SRBD1: variants seen among roughly 807,000 people sequenced by gnomAD.
The protein encoded by SRBD1 is S1 RNA-binding domain-containing protein 1.
A neutral mutation model predicts 115.3 loss-of-function variants in SRBD1; 88 were observed. That is an observed-to-expected ratio of 0.76 (90% CI 0.64 to 0.91). The LOEUF is 0.91. Ranked by LOEUF, SRBD1 falls within the 40% of genes least tolerant of loss-of-function variation. SRBD1 has a pLI of 0.00. For missense variants in SRBD1, 1,385 were observed against 1,177.4 expected, an observed-to-expected ratio of 1.18 and a Z score of -2.58; for synonymous variants, 509 against 407.7, an observed-to-expected ratio of 1.25 and a Z score of -2.99.
At chr2:45,496,172 GT>G (rs1246568867) in intron 14 of SRBD1, among the ~76,000 whole-genome samples, 1 of 152,082 alleles carries the variant, frequency 6.6e-6, no homozygotes, top group African/African-American at 2.4e-5. Flanking sequence ...CTGCTCCTAT[GT>G]TTTGTTTTGT....
chr2:45,592,609 G>A (rs776690607), intron 4 of SRBD1, among the ~76,000 whole-genome samples: 1 of 152,124 alleles, frequency 6.6e-6, no homozygotes, highest in Non-Finnish European at 1.5e-5. Flanking sequence ...TTTGGAGGAG[G>A]AGGCAAAAAC....
At chr2:45,576,806 C>A (rs1673192351) in intron 7 of SRBD1, among the ~76,000 whole-genome samples, 1 of 152,084 alleles carries the variant, frequency 6.6e-6, no homozygotes, top group African/African-American at 2.4e-5. Context: ...AAGATGGAAC[C>A]TACAGGGAGA....
At chr2:45,487,486 GA>G (rs1670155495) in intron 15 of SRBD1, among the ~76,000 whole-genome samples, 2 of 152,268 alleles carry the variant, frequency 1.3e-5, no homozygotes, top group South Asian at 4.1e-4. Flanking sequence ...CAAGATGAGA[GA>G]CTGGTCATTT....
At position 45,574,690 on chromosome 2, in the gene SRBD1, A is replaced by G. The variant is rs775248651; in HGVS notation, c.1106T>C (p.Val369Ala). 49 of 1,613,538 alleles carry G rather than the reference A, an allele frequency of 3.0e-5. No homozygotes were observed. Among genetic ancestry groups the G allele is most frequent in the Non-Finnish European group, 4.1e-5 (48 of 1,179,840 alleles). The change falls in exon 8 of 21, where the codon GTG becomes GCG. Residue 369 changes from valine to alanine, a missense_variant. By Grantham distance (64) the Val-to-Ala change is moderately conservative. Transcript: ENST00000263736. ...LSTLQDIEIGVQHILADMIAK... is the reference protein window; with the variant it reads ...LSTLQDIEIGAQHILADMIAK... ...AATCATATCTGCTAAAATATGCTGC[A>G]CTCCTATTTCAATATCCTGAAGCGT...
At chr2:45,446,476 C>T (rs896656949) in intron 16 of SRBD1, among the ~76,000 whole-genome samples, 2 of 152,060 alleles carry the variant, frequency 1.3e-5, no homozygotes, top group African/African-American at 4.8e-5. Context: ...AAGGATCCTC[C>T]CAAATCATTA....
intron 14 of SRBD1, among the ~76,000 whole-genome samples, chr2:45,499,751 C>T (rs548995235): frequency 1.3e-5 from 2 of 152,218 alleles, no homozygotes; most frequent in South Asian, 4.1e-4. Flanking sequence ...ATTAAAGAGG[C>T]TGTCCTTTCC....
intron 16 of SRBD1, among the ~76,000 whole-genome samples, chr2:45,446,986 A>G (rs754274923): frequency 3.9e-5 from 6 of 152,232 alleles, no homozygotes; most frequent in Non-Finnish European, 8.8e-5. Flanking sequence ...ACAGTCATCC[A>G]TCAGTGGCAG....
chr2:45,444,031 A>G lies in SRBD1; in HGVS notation c.2050-24137T>C, dbSNP rs190175850. On this transcript the variant is annotated intron_variant, in intron 16 of 20. Transcript: ENST00000263736. ...AGGGGCAAAATACAAAATGTTACAG[A>G]GAATCTACAGGAAGTTTTAAAGTTC... Among the ~76,000 whole-genome samples, 30 of 152,314 alleles carry G rather than the reference A, an allele frequency of 2.0e-4. No homozygotes were observed. The East Asian group carries it at 5.6e-3, about 28-fold the overall frequency.
At chr2:45,467,498 T>C (rs1355487216) in intron 16 of SRBD1, among the ~76,000 whole-genome samples, 2 of 152,224 alleles carry the variant, frequency 1.3e-5, no homozygotes, top group East Asian at 3.8e-4. Flanking sequence ...CTCTGCCCTG[T>C]ATATAAGCAC....
At chr2:45,400,760 C>G (rs992324844) in intron 19 of SRBD1, among the ~76,000 whole-genome samples, 1 of 151,870 alleles carries the variant, frequency 6.6e-6, no homozygotes, top group African/African-American at 2.4e-5. Context: ...TTAATATAAC[C>G]CCATGAGATA....
chr2:45,521,672 C>A (rs1671287338), intron 14 of SRBD1, among the ~76,000 whole-genome samples: 1 of 152,016 alleles, frequency 6.6e-6, no homozygotes. Flanking sequence ...CAATTACACT[C>A]CTAGGTATAT....
At chr2:45,596,993 C>T (rs954330484) in intron 4 of SRBD1, among the ~76,000 whole-genome samples, 2 of 117,824 alleles carry the variant, frequency 1.7e-5, no homozygotes, top group South Asian at 4.7e-4. Context: ...AACCCTCACA[C>T]ACACACACAC....
At chr2:45,551,002 T>G in intron 12 of SRBD1, 123 bp downstream of exon 12, 14 of 1,157,094 alleles carry the variant, frequency 1.2e-5, no homozygotes, top group Non-Finnish European at 1.5e-5. Context: ...CACCCCTGTA[T>G]GTGAGAAAAC....
At chr2:45,395,987 A>G (rs551702825) in intron 19 of SRBD1, among the ~76,000 whole-genome samples, 8 of 152,348 alleles carry the variant, frequency 5.3e-5, no homozygotes, top group African/African-American at 1.9e-4. Flanking sequence ...CAAAAGTACC[A>G]AATAAAAACA....
At chr2:45,546,104 G>C (rs926823526) in intron 14 of SRBD1, 1 of 934,436 alleles carries the variant, frequency 1.1e-6, no homozygotes, top group Non-Finnish European at 1.3e-6. Context: ...GGAAAAGGAA[G>C]ACATGACTAT....
intron 14 of SRBD1, among the ~76,000 whole-genome samples, chr2:45,540,398 A>T (rs932322914): frequency 6.6e-6 from 1 of 152,114 alleles, no homozygotes; most frequent in Non-Finnish European, 1.5e-5. Context: ...ATTAAATTAC[A>T]GACTTAATGA....
chr2:45,462,437 A>C (rs1669344678), intron 16 of SRBD1, among the ~76,000 whole-genome samples: 2 of 152,176 alleles, frequency 1.3e-5, no homozygotes, highest in South Asian at 2.1e-4. Flanking sequence ...TGTATTCAAA[A>C]TAAATAATGA....
At chr2:45,564,589 T>C (rs772106615) in intron 9 of SRBD1, among the ~76,000 whole-genome samples, 2 of 152,214 alleles carry the variant, frequency 1.3e-5, no homozygotes, top group East Asian at 1.9e-4. Flanking sequence ...AATTAATTTA[T>C]ACATACTAGC....
At chr2:45,567,960 C>G (rs552440780) in intron 9 of SRBD1, 1 of 152,072 alleles carries the variant, frequency 6.6e-6, no homozygotes, top group East Asian at 1.9e-4. Context: ...CACAGGAAGA[C>G]CCATGGTGGA....
Sources: allele counts gnomAD v4.1 joint callset (sites outside exome capture counted in the v4.1 genomes callset), GRCh38; gene constraint gnomAD v4.1.1; transcripts MANE v1.5; gene names NCBI Gene and HGNC (gene_info 2026-07-23, HGNC 2026-07-21).